MSI2: variants seen among roughly 807,000 people sequenced by gnomAD.
MSI2 encodes the protein musashi RNA binding protein 2, also known as RNA-binding protein Musashi homolog 2.
Under a neutral mutation model 45.6 loss-of-function variants are expected in MSI2, and 17 were observed. That is an observed-to-expected ratio of 0.37 (90% CI 0.26 to 0.56). The LOEUF is 0.56. Among genes scored for constraint, MSI2 ranks in the 20% least tolerant of loss-of-function variants. The pLI is 0.77. For missense variants in MSI2, 293 were observed against 444.2 expected (o/e 0.66, Z 3.06); for synonymous variants, 156 against 158.2 (o/e 0.99, Z 0.11).
intron 8 of MSI2, among the ~76,000 whole-genome samples, chr17:57,608,922 G>A (rs767737249): frequency 5.3e-5 from 8 of 152,202 alleles, no homozygotes; most frequent in Non-Finnish European, 1.2e-4. Flanking sequence ...GGCAGAGGGG[G>A]CAGGAGAGCA....
chr17:57,540,929 A>G (rs1288378660), intron 7 of MSI2, among the ~76,000 whole-genome samples: 1 of 152,124 alleles, frequency 6.6e-6, no homozygotes, highest in Admixed American at 6.5e-5. Flanking sequence ...CCCCTTGCTC[A>G]CTACTGGCCT....
chr17:57,530,633 G>A (rs2086802800), intron 7 of MSI2, among the ~76,000 whole-genome samples: 1 of 152,316 alleles, frequency 6.6e-6, no homozygotes, highest in South Asian at 2.1e-4. Flanking sequence ...GCCCTCAAGG[G>A]AGGGAGCCTG....
At chr17:57,257,073 CT>C in intron 1 of MSI2, 24 bp from the exon 2 acceptor site, 1 of 1,463,994 alleles carries the variant, frequency 6.8e-7, no homozygotes, top group Non-Finnish European at 9.2e-7. Flanking sequence ...TCGGTGCTCA[CT>C]TCTGTTATGT....
downstream of MSI2, among the ~76,000 whole-genome samples, chr17:57,686,457 A>G (rs1262381627): frequency 6.6e-6 from 1 of 152,222 alleles, no homozygotes; most frequent in Non-Finnish European, 1.5e-5. Context: ...AATGGGTTGA[A>G]TTTTCTATCA....
the MSI2 span, among the ~76,000 whole-genome samples, chr17:57,694,275 AC>A: frequency 6.6e-6 from 1 of 152,180 alleles, no homozygotes; most frequent in Non-Finnish European, 1.5e-5. Flanking sequence ...TCAGTGCACC[AC>A]CAGCTTTAAA....
intron 9 of MSI2, among the ~76,000 whole-genome samples, chr17:57,619,989 G>A (rs1256081987): frequency 6.6e-6 from 1 of 152,228 alleles, no homozygotes; most frequent in Non-Finnish European, 1.5e-5. Flanking sequence ...AGCTGTGGTT[G>A]TGCCTAACCC....
intron 9 of MSI2, among the ~76,000 whole-genome samples, chr17:57,623,386 C>A (rs1378079302): frequency 6.6e-6 from 1 of 152,120 alleles, no homozygotes; most frequent in Non-Finnish European, 1.5e-5. Context: ...ATGGACCCGT[C>A]TAGAAGGGAA....
Position 57,529,643 on chromosome 17 carries a change from T to C in MSI2, c.406-33T>C. 6.2e-7 allele frequency: 1 copy of C among 1,609,124 alleles called. No individual in the cohort carries two copies. On this transcript the variant is annotated intron_variant, in intron 6 of 13. Coordinates refer to ENST00000284073, the MANE Select transcript of MSI2 (RefSeq NM_138962.4). This position sits in a 1 kb window ranked among gnomAD's most constrained non-coding sequence, Gnocchi z 5.3. Reference sequence around the variant, plus strand: ...GTTTTGTGTACTTTCTTAAAATTCCTAAGGCAGCCTGTATTCTATATTTGT... The same window carrying C: ...GTTTTGTGTACTTTCTTAAAATTCCCAAGGCAGCCTGTATTCTATATTTGT...
chr17:57,511,711 A>C (rs2086360252), intron 6 of MSI2, among the ~76,000 whole-genome samples: 1 of 152,080 alleles, frequency 6.6e-6, no homozygotes, highest in South Asian at 2.1e-4. Context: ...GCACTGTTGG[A>C]TGTCCCCCAG....
At chr17:57,302,840 G>A (rs1911526185) in intron 5 of MSI2, among the ~76,000 whole-genome samples, 1 of 152,236 alleles carries the variant, frequency 6.6e-6, no homozygotes, top group African/African-American at 2.4e-5. Flanking sequence ...CAGAGTCCCT[G>A]GGTGTTTGGT....
intron 5 of MSI2, among the ~76,000 whole-genome samples, chr17:57,333,441 G>GTT (rs558113296): frequency 7.8e-5 from 11 of 141,276 alleles, no homozygotes; most frequent in African/African-American, 1.1e-4. Flanking sequence ...GATTTGTACC[G>GTT]TTTTTTTTTT....
chr17:57,415,527 T>C (rs2084278625), intron 6 of MSI2, among the ~76,000 whole-genome samples: 1 of 152,172 alleles, frequency 6.6e-6, no homozygotes, highest in Admixed American at 6.5e-5. Flanking sequence ...TTCTCATCCG[T>C]TAAGTGGGCA....
chr17:57,545,024 A>G (rs2087131271), intron 7 of MSI2, among the ~76,000 whole-genome samples: 1 of 152,196 alleles, frequency 6.6e-6, no homozygotes, highest in Non-Finnish European at 1.5e-5. Context: ...TGACACTATT[A>G]TAAAATCTTG....
intron 5 of MSI2, among the ~76,000 whole-genome samples, chr17:57,366,871 T>C (rs903711997): frequency 1.3e-5 from 2 of 152,202 alleles, no homozygotes; most frequent in Non-Finnish European, 2.9e-5. Flanking sequence ...TGAATGGCTG[T>C]TGGCTGTTTA....
chr17:57,381,738 C>T (rs968037936), intron 5 of MSI2, among the ~76,000 whole-genome samples: 2 of 152,186 alleles, frequency 1.3e-5, no homozygotes, highest in African/African-American at 4.8e-5. Context: ...CTTCAGTAGC[C>T]ATGTGTGGCT....
At chr17:57,515,143 T>C (rs928723048) in intron 6 of MSI2, among the ~76,000 whole-genome samples, 4 of 152,254 alleles carry the variant, frequency 2.6e-5, no homozygotes, top group South Asian at 2.1e-4. Context: ...ACAGGCCTAA[T>C]GGCTCAAAAT....
intron 5 of MSI2, among the ~76,000 whole-genome samples, chr17:57,325,022 C>T (rs897749314): frequency 6.6e-6 from 1 of 152,196 alleles, no homozygotes; most frequent in Non-Finnish European, 1.5e-5. Flanking sequence ...GTGGTATCTA[C>T]CTATGTTTAT....
chr17:57,635,407 C>T (rs1909760690), intron 10 of MSI2, among the ~76,000 whole-genome samples: 1 of 152,254 alleles, frequency 6.6e-6, no homozygotes, highest in Admixed American at 6.5e-5. Flanking sequence ...CATCTCCTCT[C>T]CACCTCATCC....
At chr17:57,282,864 C>A (rs1909549469) in intron 5 of MSI2, among the ~76,000 whole-genome samples, 1 of 83,404 alleles carries the variant, frequency 1.2e-5, no homozygotes, top group Non-Finnish European at 2.2e-5. Flanking sequence ...AACTCTGTCT[C>A]TAGAAGAGAC....
Sources: gnomAD v4.1 joint callset for allele counts (sites outside exome capture counted in the v4.1 genomes callset) on GRCh38, gnomAD v4.1.1 for gene constraint, Gnocchi (gnomAD v3.1) non-coding constraint, MANE v1.5 for transcripts, NCBI Gene and HGNC (gene_info 2026-07-23, HGNC 2026-07-21) for gene names.